Variants in WIPF3 observed in about 807,000 individuals in gnomAD.
WIPF3 encodes the protein WAS/WASL-interacting protein family member 3.
A neutral mutation model predicts 38.9 loss-of-function variants in WIPF3; 33 were observed. The ratio of observed to expected loss-of-function variants is 0.85; its 90% CI spans 0.64 to 1.14. The LOEUF is 1.14. WIPF3 is among the 50% of genes most tolerant of loss of function. The probability of loss-of-function intolerance (pLI) is 0.00; values close to 1 mark genes in which losing one functional copy is unlikely to be tolerated. For synonymous variants in WIPF3, 324 were observed against 269.3 expected (o/e 1.20, Z -1.99); for missense variants, 711 against 652.5 (o/e 1.09, Z -0.98).
chr7:29,859,273 C>G (rs1459027553), intron 2 of WIPF3, among the ~76,000 whole-genome samples: 1 of 152,088 alleles, frequency 6.6e-6, no homozygotes, highest in African/African-American at 2.4e-5. Context: ...GAGAGAAGAT[C>G]CAGAACACTG....
At chr7:29,828,711 G>A (rs1784666452) in intron 1 of WIPF3, among the ~76,000 whole-genome samples, 1 of 152,258 alleles carries the variant, frequency 6.6e-6, no homozygotes, top group Middle Eastern at 3.4e-3. Context: ...TCCCGCCTGC[G>A]CTCTTTCACC....
chr7:29,878,035 G>A lies in WIPF3; in HGVS notation c.224-974G>A, dbSNP rs1259565597. On this transcript the variant is annotated intron_variant, in intron 3 of 8. Transcript: ENST00000242140. This position sits in a 1 kb window ranked among gnomAD's most constrained non-coding sequence, Gnocchi z 4.0. ...ATATCTCCTATCTGTAATTATAAAT[G>A]TCAACACACAAGGATAGACAAATTT... Among the ~76,000 whole-genome samples, 4 of 152,108 alleles carry A rather than the reference G, an allele frequency of 2.6e-5. No individual in the cohort carries two copies. In the East Asian group the frequency reaches 7.7e-4, roughly 29 times the overall value.
In WIPF3 at chr7:29,823,239, G is replaced by A. The variant is rs1165693143; in HGVS notation, c.-57-11429G>A. On this transcript the variant is annotated intron_variant, in intron 1 of 8. Transcript: ENST00000242140. This position sits in a 1 kb window ranked among gnomAD's most constrained non-coding sequence, Gnocchi z 4.0. Reference sequence around the variant, plus strand: ...TCATGCCAGAGAAGCCTTTTCTAGTGTGCACTGTAAGCTTTGAGAACCCAA... The same window carrying A: ...TCATGCCAGAGAAGCCTTTTCTAGTATGCACTGTAAGCTTTGAGAACCCAA... 6.6e-6 allele frequency among the ~76,000 whole-genome samples: 1 copy of A among 152,070 alleles called. No individual in the cohort carries two copies. Among genetic ancestry groups the A allele is most frequent in the Non-Finnish European group, 1.5e-5 (1 of 68,022 alleles).
At chr7:29,837,911 T>G (rs113329297) in intron 2 of WIPF3, among the ~76,000 whole-genome samples, 1,817 of 152,302 alleles carry the variant, frequency 0.012, 16 homozygotes, top group Non-Finnish European at 0.018. Flanking sequence ...TATTTATTTA[T>G]TTAGTTAGTT....
At chr7:29,911,182 G>A (rs1358715162) in intron 8 of WIPF3, among the ~76,000 whole-genome samples, 4 of 152,102 alleles carry the variant, frequency 2.6e-5, no homozygotes, top group Non-Finnish European at 4.4e-5. Context: ...AGAAAAGAAT[G>A]AAATACTTAG....
At chr7:29,886,637 G>A (rs1171491804) in intron 5 of WIPF3, among the ~76,000 whole-genome samples, 3 of 152,072 alleles carry the variant, frequency 2.0e-5, no homozygotes, top group Admixed American at 6.5e-5. Context: ...TATTACAAGT[G>A]TGAGCCACTA....
intron 2 of WIPF3, among the ~76,000 whole-genome samples, chr7:29,871,534 G>A (rs1024725170): frequency 6.6e-6 from 1 of 152,186 alleles, no homozygotes; most frequent in Non-Finnish European, 1.5e-5. Flanking sequence ...ACCAGCTAAG[G>A]TTTTTATTAG....
rs1784567165 is a variant in WIPF3 at position 29,823,215 on chromosome 7, C to T, written c.-57-11453C>T. Among the ~76,000 whole-genome samples, 2 of 152,120 alleles carry T rather than the reference C, an allele frequency of 1.3e-5. No individual in the cohort carries two copies. Reference sequence around the variant, plus strand: ...TCTCTTTGATTGCCTTGCTTTTTGTCATGCCAGAGAAGCCTTTTCTAGTGT... The same window carrying T: ...TCTCTTTGATTGCCTTGCTTTTTGTTATGCCAGAGAAGCCTTTTCTAGTGT... On this transcript the variant is annotated intron_variant, in intron 1 of 8. Coordinates refer to ENST00000242140, the MANE Select transcript of WIPF3 (RefSeq NM_001080529.3). This position sits in a 1 kb window ranked among gnomAD's most constrained non-coding sequence, Gnocchi z 4.0.
chr7:29,856,544 G>T (rs1163901265), intron 2 of WIPF3, among the ~76,000 whole-genome samples: 1 of 152,186 alleles, frequency 6.6e-6, no homozygotes, highest in East Asian at 1.9e-4. Flanking sequence ...CAGGAGGCCA[G>T]CTTGAGCCCA....
intron 2 of WIPF3, among the ~76,000 whole-genome samples, chr7:29,837,339 G>C (rs1337214062): frequency 6.6e-6 from 1 of 152,210 alleles, no homozygotes; most frequent in African/African-American, 2.4e-5. Flanking sequence ...CTGGGCAACA[G>C]AGTGAGACTC....
intron 8 of WIPF3, chr7:29,905,313 GA>G (rs1786372849): frequency 6.6e-6 from 1 of 152,074 alleles, no homozygotes; most frequent in East Asian, 1.9e-4. Flanking sequence ...ATATACACAG[GA>G]AAAAAGACAG....
Position 29,914,435 on chromosome 7 carries a change from C to T in WIPF3, c.1429-58C>T. The stretch of plus-strand genomic sequence containing the variant: ...TGTTTGGGGGGGTGGAGGAGGAAGG[C>T]TTTCATGTGCAAGAGTCTTCTAACT... On this transcript the variant is annotated intron_variant, in intron 8 of 8. Coordinates refer to ENST00000242140, the MANE Select transcript of WIPF3 (RefSeq NM_001080529.3). 8 of 1,375,166 alleles carry T rather than the reference C, an allele frequency of 5.8e-6. No individual in the cohort carries two copies. The South Asian group carries it at 1.0e-4, about 18-fold the overall frequency. 85.2% of individuals were successfully genotyped at this position (1,375,166 alleles called of 1,614,324 possible).
chr7:29,819,075 T>C (rs71528589), intron 1 of WIPF3, among the ~76,000 whole-genome samples: 1 of 152,178 alleles, frequency 6.6e-6, no homozygotes, highest in Non-Finnish European at 1.5e-5. Context: ...TTTTTATTTG[T>C]TCTATTCTTT....
chr7:29,822,392 C>T (rs1172915792), intron 1 of WIPF3, among the ~76,000 whole-genome samples: 1 of 152,144 alleles, frequency 6.6e-6, no homozygotes, highest in African/African-American at 2.4e-5. Context: ...CTCCTTTCCC[C>T]AGCCGGTAGA....
chr7:29,813,577 A>G (rs925473823), intron 1 of WIPF3, among the ~76,000 whole-genome samples: 1 of 152,146 alleles, frequency 6.6e-6, no homozygotes, highest in African/African-American at 2.4e-5. Flanking sequence ...CTTCCAAACT[A>G]TTTTATATTT....
At chr7:29,849,667 G>A (rs975999165) in intron 2 of WIPF3, among the ~76,000 whole-genome samples, 2 of 152,152 alleles carry the variant, frequency 1.3e-5, no homozygotes, top group East Asian at 1.9e-4. Context: ...AAAGCTTCTG[G>A]TCATGGAGAT....
At chr7:29,871,410 G>A (rs762592978) in intron 2 of WIPF3, among the ~76,000 whole-genome samples, 3 of 152,152 alleles carry the variant, frequency 2.0e-5, no homozygotes, top group East Asian at 1.9e-4. Flanking sequence ...ACTAATTTTC[G>A]GTTCAATGGC....
At chr7:29,860,134 G>T (rs1459015183) in intron 2 of WIPF3, among the ~76,000 whole-genome samples, 2 of 152,168 alleles carry the variant, frequency 1.3e-5, no homozygotes, top group Admixed American at 6.5e-5. Flanking sequence ...TGCATCTAGA[G>T]AACTAAATTG....
rs1429069623 is a variant in WIPF3, at chr7:29,879,105, C to T, written c.320C>T (p.Pro107Leu). 1.2e-6 allele frequency: 2 copies of T among 1,612,522 alleles called. No homozygotes were observed. Among genetic ancestry groups the T allele is most frequent in the Non-Finnish European group, 1.7e-6 (2 of 1,179,330 alleles). Residue 107 changes from proline to leucine, a missense_variant, in exon 4 of 9, where the codon CCT becomes CTT. Transcript: ENST00000242140. Reference protein sequence around the residue: ...TLGDLFAGGFPVLRPAGQRDV... With the variant: ...TLGDLFAGGFLVLRPAGQRDV... ...GGAGATCTGTTTGCTGGTGGCTTTCCTGTATTGCGACCAGCAGGCCAGCGG... is the reference window on the plus strand; with the variant it reads ...GGAGATCTGTTTGCTGGTGGCTTTCTTGTATTGCGACCAGCAGGCCAGCGG...
Sources: gnomAD v4.1 joint callset for allele counts (sites outside exome capture counted in the v4.1 genomes callset) on GRCh38, gnomAD v4.1.1 for gene constraint, Gnocchi (gnomAD v3.1) non-coding constraint, MANE v1.5 for transcripts, NCBI Gene and HGNC (gene_info 2026-07-23, HGNC 2026-07-21) for gene names.